TIAM2: variants seen among roughly 807,000 people sequenced by gnomAD.
TIAM2 encodes the protein rho guanine nucleotide exchange factor TIAM2.
TIAM2 carries 80 observed loss-of-function variants against 152.9 expected under a neutral mutation model. The observed-to-expected ratio is 0.52, with a 90% confidence interval of 0.44 to 0.63. The LOEUF (loss-of-function observed/expected upper bound fraction) is 0.63. Ranked by LOEUF, TIAM2 falls within the 30% of genes least tolerant of loss-of-function variation. The pLI is 0.00. For synonymous variants in TIAM2, 804 were observed against 838.0 expected, an observed-to-expected ratio of 0.96 and a Z score of 0.70; for missense variants, 1,965 against 2,120.1, an observed-to-expected ratio of 0.93 and a Z score of 1.44.
chr6:155,070,404 A>G (rs776037613), intron 1 of TIAM2, among the ~76,000 whole-genome samples: 1 of 150,634 alleles, frequency 6.6e-6, no homozygotes, highest in African/African-American at 2.5e-5. Flanking sequence ...TTTAGTAGAG[A>G]TGGGGTTTCA....
At chr6:155,121,216 C>A (rs1281499865) in intron 2 of TIAM2, among the ~76,000 whole-genome samples, 2 of 151,920 alleles carry the variant, frequency 1.3e-5, no homozygotes, top group East Asian at 1.9e-4. Context: ...TTTAATAATA[C>A]TTTGTGTTGC....
intron 2 of TIAM2, among the ~76,000 whole-genome samples, chr6:155,102,800 TG>T (rs1443851359): frequency 1.3e-5 from 2 of 148,864 alleles, no homozygotes; most frequent in Non-Finnish European, 3.0e-5. Context: ...TGTGTGTGTG[TG>T]TGTGTGTGTA....
intron 17 of TIAM2, 74 bp downstream of exon 17, chr6:155,244,153 T>A: frequency 2.2e-6 from 3 of 1,349,318 alleles, no homozygotes; most frequent in Non-Finnish European, 3.2e-6. Context: ...AGAACTCCTA[T>A]GAGAGTATCT....
intron 1 of TIAM2, among the ~76,000 whole-genome samples, chr6:155,006,300 T>A (rs545821317): frequency 6.6e-6 from 1 of 152,112 alleles, no homozygotes; most frequent in African/African-American, 2.4e-5. Flanking sequence ...ATGTTTATAA[T>A]CAGGGCAGCA....
rs1345222373 is a variant in TIAM2 at position 155,208,002 on chromosome 6, C to T, written c.3065-3202C>T. ...ACTAGCATCCATCTGGCATCTTGGG[C>T]TCCAAAGCTCCTTATGCCCTTGCCA... On this transcript the variant is annotated intron_variant, in intron 14 of 26. Coordinates refer to ENST00000682666, the MANE Select transcript of TIAM2 (RefSeq NM_012454.4). Among the ~76,000 whole-genome samples the T allele has an allele frequency of 6.6e-5, 10 of 152,122 alleles. 1 individual carries two copies. The highest frequency in any genetic ancestry group is 1.5e-4 in the Non-Finnish European group (10 of 68,024).
At chr6:155,086,478 G>A (rs1266611578) in intron 1 of TIAM2, among the ~76,000 whole-genome samples, 1 of 152,110 alleles carries the variant, frequency 6.6e-6, no homozygotes, top group Non-Finnish European at 1.5e-5. Flanking sequence ...AGGCTGAGGC[G>A]GGTGGATCAC....
At chr6:155,068,222 C>T (rs1263498438) in intron 1 of TIAM2, among the ~76,000 whole-genome samples, 2 of 152,160 alleles carry the variant, frequency 1.3e-5, no homozygotes, top group Admixed American at 1.3e-4. Context: ...TGTCTCCTGG[C>T]CTTCTGCCTT....
intron 26 of TIAM2, 97 bp from the exon 27 acceptor site, chr6:155,256,387 A>G: frequency 6.5e-7 from 1 of 1,539,260 alleles, no homozygotes; most frequent in Non-Finnish European, 8.8e-7. Flanking sequence ...CATAAAATAA[A>G]ATCTTAATGT....
chr6:155,175,672 C>G (rs537063908), intron 9 of TIAM2, among the ~76,000 whole-genome samples: 2 of 152,268 alleles, frequency 1.3e-5, no homozygotes, highest in East Asian at 3.9e-4. Context: ...TTCGAAGCCC[C>G]AAATCTTTTC....
chr6:155,015,389 A>G (rs1232906140), intron 1 of TIAM2, among the ~76,000 whole-genome samples: 1 of 152,142 alleles, frequency 6.6e-6, no homozygotes, highest in Non-Finnish European at 1.5e-5. Flanking sequence ...CTGGAGCTCA[A>G]GAGAGACAGG....
intron 1 of TIAM2, among the ~76,000 whole-genome samples, chr6:155,045,963 C>T (rs1028397172): frequency 7.0e-6 from 1 of 142,136 alleles, no homozygotes; most frequent in Non-Finnish European, 1.5e-5. Context: ...GAGGGGCGGG[C>T]GGGAGGTAGC....
rs577509769 is a variant in TIAM2, at chr6:155,180,032, C to T, written c.2707+576C>T. ...CCGTGGCTCATGCCTGTAATCCCAG[C>T]ACTTTGGGAGGCCAAGGCGGGCAGA... On this transcript the variant is annotated intron_variant, in intron 12 of 26. Coordinates refer to ENST00000682666, the MANE Select transcript of TIAM2 (RefSeq NM_012454.4). Among the ~76,000 whole-genome samples, 17 of 152,346 alleles carry T rather than the reference C, an allele frequency of 1.1e-4. No individual in the cohort carries two copies. In the South Asian group the frequency reaches 3.1e-3, roughly 28 times the overall value.
At chr6:155,016,523 C>CATTTAA (rs1778589026) in intron 1 of TIAM2, among the ~76,000 whole-genome samples, 1 of 78,642 alleles carries the variant, frequency 1.3e-5, no homozygotes, top group African/African-American at 4.7e-5. Flanking sequence ...ATGGTATTTA[C>CATTTAA]ATTTAAATGG....
At chr6:155,084,646 G>T (rs1164182907) in intron 1 of TIAM2, among the ~76,000 whole-genome samples, 2 of 152,110 alleles carry the variant, frequency 1.3e-5, no homozygotes, top group African/African-American at 2.4e-5. Flanking sequence ...TTGTAACTTG[G>T]CTTACAGTAC....
chr6:155,205,908 C>T (rs1439607763), intron 14 of TIAM2, among the ~76,000 whole-genome samples: 1 of 152,234 alleles, frequency 6.6e-6, no homozygotes, highest in African/African-American at 2.4e-5. Flanking sequence ...TGTAACTGTA[C>T]ATTTTGAATT....
intron 24 of TIAM2, chr6:155,253,260 A>T (rs1328184633): frequency 6.0e-5 from 30 of 499,350 alleles, no homozygotes; most frequent in Admixed American, 2.4e-4. Flanking sequence ...TCTTTGCCAA[A>T]TGCCTTTCAT....
At chr6:155,237,472 C>G (rs1252629082) in intron 15 of TIAM2, among the ~76,000 whole-genome samples, 1 of 152,250 alleles carries the variant, frequency 6.6e-6, no homozygotes, top group African/African-American at 2.4e-5. Flanking sequence ...CTAGGCGGTG[C>G]CCCAGTAGGG....
chr6:155,193,208 C>T (rs939684999), intron 14 of TIAM2, among the ~76,000 whole-genome samples: 4 of 151,940 alleles, frequency 2.6e-5, no homozygotes, highest in African/African-American at 9.7e-5. Context: ...AGATTGAGAC[C>T]AGCCTGGGCA....
chr6:155,142,091 C>T (rs112173894), intron 5 of TIAM2, among the ~76,000 whole-genome samples: 1,951 of 151,236 alleles, frequency 0.013, 24 homozygotes, highest in Non-Finnish European at 0.02. Flanking sequence ...TCGGGGTGAA[C>T]GGCAAAGGCA....
Sources: gnomAD v4.1 joint callset for allele counts (sites outside exome capture counted in the v4.1 genomes callset) on GRCh38, gnomAD v4.1.1 for gene constraint, MANE v1.5 for transcripts, NCBI Gene and HGNC (gene_info 2026-07-23, HGNC 2026-07-21) for gene names.